Variants in LTBP4 observed in about 807,000 individuals in gnomAD.
LTBP4 encodes the protein latent-transforming growth factor beta-binding protein 4.
In LTBP4, 93 loss-of-function variants were observed where a neutral mutation model predicts 180.2. The ratio of observed to expected loss-of-function variants is 0.52; its 90% CI spans 0.44 to 0.61. LTBP4 has a LOEUF of 0.61. LTBP4 is among the 20% of genes least tolerant of loss of function. The pLI is 0.00. For synonymous variants in LTBP4, 947 were observed against 934.5 expected, an observed-to-expected ratio of 1.01 and a Z score of -0.24; for missense variants, 2,116 against 2,256.5, an observed-to-expected ratio of 0.94 and a Z score of 1.26.
upstream of LTBP4, chr19:40,599,150 T>C: frequency 6.4e-7 from 1 of 1,553,360 alleles, no homozygotes; most frequent in South Asian, 1.2e-5. Context: ...CTTTGCAGAG[T>C]TCTGGGGTGC....
rs768391824 is a variant in LTBP4, at chr19:40,613,165, G to A, written c.2400G>A (p.Arg800=). The change falls in exon 16 of 30, where the codon CGG becomes CGA. Residue 800 remains arginine (R), a synonymous_variant. Transcript: ENST00000396819. This position sits in a 1 kb window ranked among gnomAD's most constrained non-coding sequence, Gnocchi z 5.0. The part of the protein sequence containing the change: ...SFRCSCAPGY[R]APSGRPGPCA... ...GCTGCAGCTGCGCGCCAGGCTACCG[G>A]GCGCCGTCGGGTCGGCCCGGGCCCT... 12 of 1,579,956 alleles carry A rather than the reference G, an allele frequency of 7.6e-6. No individual in the cohort carries two copies. The Admixed American group carries it at 2.2e-4, about 29-fold the overall frequency.
In LTBP4 at chr19:40,601,695, G is replaced by T. The variant is rs868343735; in HGVS notation, c.250+58G>T. Reference sequence around the variant, plus strand: ...CTCCGGGGGGGAGGAGGATCCCTGGGGATGGAGGAGACAGTCCTCCAGGGA... The same window carrying T: ...CTCCGGGGGGGAGGAGGATCCCTGGTGATGGAGGAGACAGTCCTCCAGGGA... On this transcript the variant is annotated intron_variant, in intron 1 of 29. Transcript: ENST00000396819. 10 of 1,218,758 alleles carry T rather than the reference G, an allele frequency of 8.2e-6. No homozygotes were observed. The African/African-American group carries it at 9.6e-5, about 12-fold the overall frequency. The allele number at this position is 1,218,758 out of a possible 1,614,324, so 75.5% of individuals were successfully genotyped here. A position where few individuals can be genotyped will look rare whatever the true frequency, so the allele number is the denominator to read the frequency against.
Position 40,593,365 on chromosome 19 carries a change from C to T in LTBP4, c.16+184C>T, listed in dbSNP as rs113850961. Among the ~76,000 whole-genome samples, 1,264 of 152,222 alleles carry T rather than the reference C, an allele frequency of 8.3e-3. 11 individuals carry two copies. The highest frequency in any genetic ancestry group is 0.016 in the Admixed American group (243 of 15,286). On this transcript the variant is annotated intron_variant, in intron 1 of 32. Coordinates refer to the LTBP4 transcript ENST00000204005. The stretch of plus-strand genomic sequence containing the variant: ...TCAAGTGATCCTCCTGCCTCAGCCT[C>T]CTGAGTATTTGGGACTACAGGTGTG...
intron 24 of LTBP4, among the ~76,000 whole-genome samples, chr19:40,623,332 C>T (rs1452226862): frequency 6.6e-6 from 1 of 152,054 alleles, no homozygotes; most frequent in Non-Finnish European, 1.5e-5. Context: ...GCCACTACGC[C>T]TGGCTAATTT....
rs10414480 is a variant in LTBP4, at chr19:40,612,441, T to G, written c.2299+249T>G. 0.021 allele frequency among the ~76,000 whole-genome samples: 3,151 copies of G among 152,286 alleles called. 113 individuals carry two copies. The highest frequency in any genetic ancestry group is 0.072 in the African/African-American group (2,973 of 41,542). ...ATGATAGTCCCTGCCCATACCCTGA[T>G]AGCAATTGTGACCCTCATGACTCTG... On this transcript the variant is annotated intron_variant, in intron 15 of 29. Coordinates refer to ENST00000396819, the MANE Select transcript of LTBP4 (RefSeq NM_001042545.2).
upstream of LTBP4, chr19:40,600,142 G>GGCCCCCACAGCGT: frequency 4.0e-6 from 5 of 1,256,566 alleles, no homozygotes; most frequent in Non-Finnish European, 5.0e-6. The surrounding 1 kb of genome is among the most constrained non-coding windows in gnomAD (Gnocchi z 4.4). Context: ...CTGAGAAGGA[G>GGCCCCCACAGCGT]GCCCCCACAG....
At chr19:40,599,313 C>T (rs1393579044), upstream of LTBP4, 1 of 1,606,882 alleles carries the variant, frequency 6.2e-7, no homozygotes, top group Non-Finnish European at 8.5e-7. Context: ...AGGAGAGGGG[C>T]AGGGAGCTCC....
upstream of LTBP4, chr19:40,600,311 C>T (rs1461536617): frequency 2.4e-6 from 1 of 413,822 alleles, no homozygotes; most frequent in Non-Finnish European, 4.3e-6. The surrounding 1 kb of genome is among the most constrained non-coding windows in gnomAD (Gnocchi z 4.4). Flanking sequence ...GGACGAGGCC[C>T]CCTCTAGGGA....
At chr19:40,599,632 CCT>C (rs1213063682), upstream of LTBP4, 5 of 1,417,774 alleles carry the variant, frequency 3.5e-6, no homozygotes, top group Non-Finnish European at 4.9e-6. Flanking sequence ...GCTCCTCCTC[CCT>C]TCCCCTCTCC....
At chr19:40,597,290 C>A (rs961810833), upstream of LTBP4, 2 of 1,523,868 alleles carry the variant, frequency 1.3e-6, no homozygotes, top group Admixed American at 4.0e-5. Context: ...CTGTTGCTGC[C>A]GCTCTTCGCA....
intron 19 of LTBP4, among the ~76,000 whole-genome samples, chr19:40,616,218 C>T (rs779056698): frequency 8.0e-5 from 12 of 150,902 alleles, no homozygotes; most frequent in Non-Finnish European, 1.5e-4. Flanking sequence ...TGCCTGAACC[C>T]GGGAGGTTGA....
At chr19:40,596,771 C>T (rs916507690), upstream of LTBP4, among the ~76,000 whole-genome samples, 12 of 152,094 alleles carry the variant, frequency 7.9e-5, no homozygotes, top group African/African-American at 1.9e-4. Flanking sequence ...TGGGGGGCTT[C>T]CAGCTTCTAC....
chr19:40,610,302 C>T (rs1291791474), intron 11 of LTBP4: 5 of 562,540 alleles, frequency 8.9e-6, no homozygotes, highest in Non-Finnish European at 1.6e-5. Context: ...CCTACCCCAC[C>T]TTCCCTTAGC....
intron 26 of LTBP4, 28 bp downstream of exon 26, chr19:40,624,110 T>G: frequency 6.7e-7 from 1 of 1,501,816 alleles, no homozygotes; most frequent in Non-Finnish European, 8.9e-7. Flanking sequence ...ATCCAGGCCC[T>G]CCTTCCCTTG....
upstream of LTBP4, chr19:40,597,155 C>T: frequency 3.4e-6 from 3 of 870,656 alleles, no homozygotes; most frequent in South Asian, 4.1e-5. Flanking sequence ...GGGGCGGGGG[C>T]GGGGGCAGGG....
In LTBP4 at chr19:40,611,981, G is replaced by C. The variant is rs199691160; in HGVS notation, c.2176G>C (p.Glu726Gln). The change falls in exon 14 of 30, where the codon GAG (glutamate) becomes CAG (glutamine). Residue 726 changes from glutamate (E) to glutamine (Q), a missense_variant. Around this residue, in one of 5 missense-constraint regions of LTBP4, gnomAD observed 877 missense variants for 873.6 expected, o/e 1.00. Coordinates refer to ENST00000396819, the MANE Select transcript of LTBP4 (RefSeq NM_001042545.2). The surrounding 1 kb of genome is among the most constrained non-coding windows in gnomAD (Gnocchi z 4.4). ...ACCCAACACTGCTGGCTCCGAGTGC[G>C]AGGGTGAGGCCGGGGAGGGAGGGAG... ...FQPNTAGSEC[E>Q]DVDECENHLA... 128 of 1,611,920 alleles carry C rather than the reference G, an allele frequency of 7.9e-5. No individual in the cohort carries two copies. The highest frequency in any genetic ancestry group is 4.4e-5 in the Non-Finnish European group (52 of 1,178,988).
chr19:40,594,502 G>A (rs1167967267), intron 1 of LTBP4: 1 of 152,120 alleles, frequency 6.6e-6, no homozygotes, highest in Non-Finnish European at 1.5e-5. Flanking sequence ...CTGGATCCCG[G>A]ACAGAAGGGA....
chr19:40,611,103 C>A lies in LTBP4; in HGVS notation c.1811-49C>A. The A allele has an allele frequency of 1.2e-6, 2 of 1,606,428 alleles. No individual in the cohort carries two copies. Among genetic ancestry groups the A allele is most frequent in the South Asian group, 2.2e-5 (2 of 90,682 alleles). ...GGTGGAAAGCCAAAGTGACAGAGGT[C>A]AGGGAGGCAGAGGGGAACAAGTGAC... On this transcript the variant is annotated intron_variant, in intron 12 of 29. Transcript: ENST00000396819. This position sits in a 1 kb window ranked among gnomAD's most constrained non-coding sequence, Gnocchi z 4.4.
chr19:40,593,762 A>G (rs1020191690), intron 1 of LTBP4, among the ~76,000 whole-genome samples: 8 of 151,058 alleles, frequency 5.3e-5, no homozygotes, highest in African/African-American at 2.0e-4. Context: ...TGGTCATTCT[A>G]TTCTTATTTC....
Sources: gnomAD v4.1 joint callset for allele counts (sites outside exome capture counted in the v4.1 genomes callset) on GRCh38, gnomAD v4.1.1 for gene constraint, gnomAD v4.1.1 regional missense constraint, Gnocchi (gnomAD v3.1) non-coding constraint, MANE v1.5 for transcripts, NCBI Gene and HGNC (gene_info 2026-07-23, HGNC 2026-07-21) for gene names.